The following STK4 variants were observed in gnomAD, a reference collection of about 807,000 sequenced individuals.
STK4 encodes the protein serine/threonine-protein kinase 4.
Under a neutral mutation model 64.9 loss-of-function variants are expected in STK4, and 30 were observed. The observed-to-expected ratio is 0.46, with a 90% CI of 0.35 to 0.63. The LOEUF is 0.63. Ranked by LOEUF, STK4 falls within the 20% of genes least tolerant of loss-of-function variation. The pLI is 0.01. For missense variants in STK4, 466 were observed against 598.5 expected, an observed-to-expected ratio of 0.78 and a Z score of 2.31; for synonymous variants, 177 against 199.0, an observed-to-expected ratio of 0.89 and a Z score of 0.93.
chr20:45,011,271 A>T (rs2068039500), intron 9 of STK4, among the ~76,000 whole-genome samples: 1 of 152,170 alleles, frequency 6.6e-6, no homozygotes, highest in Admixed American at 6.6e-5. Flanking sequence ...CTGGGCCAGC[A>T]GAGGGAGCTC....
At chr20:45,024,926 A>G in intron 9 of STK4, 47 bp from the exon 10 acceptor site, 1 of 1,476,774 alleles carries the variant, frequency 6.8e-7, no homozygotes, top group East Asian at 2.5e-5. Flanking sequence ...AAACTTACCT[A>G]AAATTTAGAA....
At chr20:45,074,743 G>C (rs1266562992) in intron 10 of STK4, among the ~76,000 whole-genome samples, 1 of 152,184 alleles carries the variant, frequency 6.6e-6, no homozygotes, top group African/African-American at 2.4e-5. Context: ...GGAGGTGAGA[G>C]TATTATTCAC....
In STK4 at chr20:45,001,257, G is replaced by C. The variant is rs1421851448; in HGVS notation, c.1051G>C (p.Ala351Pro). ...AGTAGCCAGCACCATGACTGATGGA[G>C]CCAATACTATGATTGAGCACGATGA... ...VRVASTMTDG[A>P]NTMIEHDDTL... Residue 351 changes from alanine to proline, a missense_variant, in exon 9 of 11, where the codon GCC becomes CCC. Ala to Pro is a conservative substitution (Grantham distance 27). Coordinates refer to ENST00000372806, the MANE Select transcript of STK4 (RefSeq NM_006282.5). The C allele has an allele frequency of 6.2e-7, 1 of 1,614,202 alleles. No homozygotes were observed.
chr20:45,078,037 T>A lies in STK4; in HGVS notation c.*2861T>A, dbSNP rs1006522499. On this transcript the variant is annotated 3_prime_UTR_variant, in exon 11 of 11. Coordinates refer to ENST00000372806, the MANE Select transcript of STK4 (RefSeq NM_006282.5). ...TGTTGTTGTTGTTGAATACTAAATT[T>A]AAGATATGTCAGCTTGCTTTCAATG... The A allele has an allele frequency of 6.6e-6, 1 of 152,156 alleles. No individual in the cohort carries two copies. The highest frequency in any genetic ancestry group is 2.4e-5 in the African/African-American group (1 of 41,434). The allele number at this position is 152,156 out of a possible 1,614,324, so 9.4% of individuals were successfully genotyped here. A position where few individuals can be genotyped will look rare whatever the true frequency, so the allele number is the denominator to read the frequency against.
At chr20:44,999,592 A>G (rs2067798143) in intron 7 of STK4, among the ~76,000 whole-genome samples, 1 of 152,256 alleles carries the variant, frequency 6.6e-6, no homozygotes, top group South Asian at 2.1e-4. Flanking sequence ...CAATAAAAAC[A>G]TATGATGGTA....
intron 2 of STK4, among the ~76,000 whole-genome samples, chr20:44,977,793 C>T (rs547246173): frequency 1.8e-4 from 28 of 151,998 alleles, no homozygotes; most frequent in Non-Finnish European, 3.7e-4. Flanking sequence ...GCTGTGTTTA[C>T]CTGATACTAA....
At chr20:45,065,823 A>G (rs1396973726) in intron 10 of STK4, among the ~76,000 whole-genome samples, 2 of 151,672 alleles carry the variant, frequency 1.3e-5, no homozygotes, top group Non-Finnish European at 2.9e-5. Flanking sequence ...CAGAAAACCA[A>G]TTCCTGGATT....
intron 10 of STK4, among the ~76,000 whole-genome samples, chr20:45,044,387 T>A (rs1286905753): frequency 6.6e-6 from 1 of 152,184 alleles, no homozygotes; most frequent in East Asian, 1.9e-4. Context: ...GGCTCATGCC[T>A]ATAATCCCAG....
At chr20:45,057,323 AGG>A (rs1206613953) in intron 10 of STK4, among the ~76,000 whole-genome samples, 1 of 152,228 alleles carries the variant, frequency 6.6e-6, no homozygotes, top group Non-Finnish European at 1.5e-5. Flanking sequence ...TGCATCTAGA[AGG>A]GTGCACTTGG....
intron 1 of STK4, among the ~76,000 whole-genome samples, chr20:44,968,916 G>C (rs953002302): frequency 2.0e-5 from 3 of 152,130 alleles, no homozygotes; most frequent in Non-Finnish European, 4.4e-5. Context: ...TTTAAGCAAC[G>C]TAAATTTATT....
At chr20:45,014,824 T>TA (rs1392630613) in intron 9 of STK4, among the ~76,000 whole-genome samples, 2 of 152,156 alleles carry the variant, frequency 1.3e-5, no homozygotes, top group Non-Finnish European at 2.9e-5. Flanking sequence ...TCTCCAGGCT[T>TA]AATAGGTCAA....
intron 9 of STK4, among the ~76,000 whole-genome samples, chr20:45,017,441 C>T (rs1479617098): frequency 2.0e-5 from 3 of 152,184 alleles, no homozygotes; most frequent in South Asian, 2.1e-4. Flanking sequence ...AAGGCAATGA[C>T]TCAGATATGC....
chr20:44,993,480 C>G (rs181780727), intron 5 of STK4, among the ~76,000 whole-genome samples: 18 of 152,260 alleles, frequency 1.2e-4, no homozygotes, highest in African/African-American at 3.4e-4. Flanking sequence ...TGAAAACACC[C>G]TTGCAAATTT....
At chr20:45,035,161 A>G (rs977154223) in intron 10 of STK4, among the ~76,000 whole-genome samples, 3 of 152,206 alleles carry the variant, frequency 2.0e-5, no homozygotes, top group Non-Finnish European at 4.4e-5. Context: ...TTCTATGTAT[A>G]TGCACACATA....
At chr20:45,065,631 A>T (rs71339819) in intron 10 of STK4, among the ~76,000 whole-genome samples, 38,749 of 151,696 alleles carry the variant, frequency 0.26, 5,571 homozygotes, top group Middle Eastern at 0.43. Flanking sequence ...CTGGTTCTAC[A>T]TTTTGTAGCT....
intron 5 of STK4, among the ~76,000 whole-genome samples, chr20:44,991,130 A>G (rs1426301137): frequency 6.6e-6 from 1 of 152,200 alleles, no homozygotes; most frequent in African/African-American, 2.4e-5. Flanking sequence ...TAGTGAAAGT[A>G]AAATGTATTT....
chr20:45,018,446 C>T (rs1468880435), intron 9 of STK4, among the ~76,000 whole-genome samples: 3 of 152,070 alleles, frequency 2.0e-5, no homozygotes, highest in Non-Finnish European at 4.4e-5. Context: ...GATGGTCATT[C>T]CAATGGAACA....
At chr20:45,039,199 T>C (rs1488281658) in intron 10 of STK4, among the ~76,000 whole-genome samples, 1 of 152,136 alleles carries the variant, frequency 6.6e-6, no homozygotes, top group East Asian at 1.9e-4. Context: ...GTTTTAAAAT[T>C]TTGAGTGGAA....
At chr20:45,040,426 G>T (rs938979568) in intron 10 of STK4, among the ~76,000 whole-genome samples, 5 of 151,930 alleles carry the variant, frequency 3.3e-5, no homozygotes, top group African/African-American at 9.7e-5. Flanking sequence ...AAAAATATTT[G>T]ATCTGTTTCA....
Sources: allele counts gnomAD v4.1 joint callset (sites outside exome capture counted in the v4.1 genomes callset), GRCh38; gene constraint gnomAD v4.1.1; transcripts MANE v1.5; gene names NCBI Gene and HGNC (gene_info 2026-07-23, HGNC 2026-07-21).